KIAA1217: variants seen among roughly 807,000 people sequenced by gnomAD.
KIAA1217 encodes sickle tail protein homolog.
A neutral mutation model predicts 163.9 loss-of-function variants in KIAA1217; 88 were observed. That is an observed-to-expected ratio of 0.54 (90% CI 0.45 to 0.64). The LOEUF is 0.64. KIAA1217 is among the 30% of genes least tolerant of loss of function. The pLI, the probability that KIAA1217 is intolerant of heterozygous loss-of-function variation, is 0.00. For synonymous variants in KIAA1217, 903 were observed against 923.1 expected, an observed-to-expected ratio of 0.98 and a Z score of 0.39; for missense variants, 2,372 against 2,475.0, an observed-to-expected ratio of 0.96 and a Z score of 0.88.
chr10:24,338,871 C>G (rs1023599797), intron 2 of KIAA1217, among the ~76,000 whole-genome samples: 1 of 151,996 alleles, frequency 6.6e-6, no homozygotes, highest in African/African-American at 2.4e-5. Flanking sequence ...TTGAAACTAT[C>G]TTATAGAAGG....
chr10:23,815,041 C>T (rs1164635084), intron 1 of KIAA1217, among the ~76,000 whole-genome samples: 7 of 152,150 alleles, frequency 4.6e-5, no homozygotes, highest in Admixed American at 4.6e-4. Flanking sequence ...TTCTCTCTAA[C>T]TACATCTTTC....
At chr10:24,224,293 C>T (rs1323697781) in intron 2 of KIAA1217, among the ~76,000 whole-genome samples, 1 of 152,068 alleles carries the variant, frequency 6.6e-6, no homozygotes, top group East Asian at 1.9e-4. Flanking sequence ...TCACAATATG[C>T]TAATTCTATG....
chr10:24,321,106 G>A (rs1437751685), intron 2 of KIAA1217, among the ~76,000 whole-genome samples: 1 of 151,842 alleles, frequency 6.6e-6, no homozygotes, highest in South Asian at 2.1e-4. Context: ...AAAACAGTGG[G>A]GCGGTTCCTC....
At chr10:24,544,617 A>C (rs1216384418) in intron 19 of KIAA1217, 136 bp downstream of exon 19, 3 of 1,029,234 alleles carry the variant, frequency 2.9e-6, no homozygotes, top group Non-Finnish European at 4.1e-6. Flanking sequence ...TTCGCCATGA[A>C]ACCCTTCTTT....
chr10:24,226,408 C>T (rs1267383733), intron 2 of KIAA1217, among the ~76,000 whole-genome samples: 5 of 151,808 alleles, frequency 3.3e-5, no homozygotes, highest in Admixed American at 6.6e-5. Flanking sequence ...GGGCAGATCA[C>T]GAGGTCAGGA....
intron 1 of KIAA1217, among the ~76,000 whole-genome samples, chr10:23,933,998 G>A (rs950518063): frequency 6.6e-6 from 1 of 152,134 alleles, no homozygotes; most frequent in Non-Finnish European, 1.5e-5. Flanking sequence ...CAAGGATCTA[G>A]AACCGGAAAT....
chr10:24,096,041 A>G (rs745550124), intron 2 of KIAA1217, among the ~76,000 whole-genome samples: 18 of 152,178 alleles, frequency 1.2e-4, no homozygotes, highest in South Asian at 6.2e-4. Flanking sequence ...CCAGGAATTC[A>G]AGCCTGCAGT....
intron 9 of KIAA1217, among the ~76,000 whole-genome samples, chr10:24,510,499 G>C (rs910460142): frequency 6.6e-6 from 1 of 152,128 alleles, no homozygotes; most frequent in Non-Finnish European, 1.5e-5. Flanking sequence ...ATCATATGAG[G>C]AGTTTTAGAA....
In KIAA1217 at chr10:24,520,222, T is replaced by A. The variant is rs1402955832; in HGVS notation, c.2277T>A (p.Arg759=). The change falls in exon 11 of 21, where the codon CGT becomes CGA. Residue 759 remains arginine, a synonymous_variant. Coordinates refer to ENST00000376454, the MANE Select transcript of KIAA1217 (RefSeq NM_019590.5). ...KDVEDGAFLL[R]QVGEAVATLK... is the part of the protein sequence containing the mutation. ...TGGAAGACGGGGCTTTCCTCCTGCG[T>A]CAAGTGGGAGAGGCTGTAGCTACCC... 2 of 1,614,064 alleles carry A rather than the reference T, an allele frequency of 1.2e-6. No homozygotes were observed. Among genetic ancestry groups the A allele is most frequent in the Non-Finnish European group, 8.5e-7 (1 of 1,179,986 alleles).
At chr10:24,162,522 G>A (rs1589730148) in intron 2 of KIAA1217, among the ~76,000 whole-genome samples, 2 of 152,352 alleles carry the variant, frequency 1.3e-5, no homozygotes, top group East Asian at 3.9e-4. Flanking sequence ...TGTGCAAGGA[G>A]TGAGAAGGTA....
intron 6 of KIAA1217, among the ~76,000 whole-genome samples, chr10:24,483,871 C>T (rs1006842391): frequency 6.6e-6 from 1 of 152,096 alleles, no homozygotes; most frequent in Admixed American, 6.5e-5. Flanking sequence ...AGGGTGTAGG[C>T]TTGCCCTGGG....
intron 2 of KIAA1217, among the ~76,000 whole-genome samples, chr10:24,230,266 T>A (rs1392575735): frequency 6.6e-6 from 1 of 152,114 alleles, no homozygotes; most frequent in Non-Finnish European, 1.5e-5. Context: ...AGATTTCAAT[T>A]TTTTTGGGGG....
chr10:24,435,113 A>G (rs2059920452), intron 4 of KIAA1217, among the ~76,000 whole-genome samples: 1 of 152,222 alleles, frequency 6.6e-6, no homozygotes, highest in Non-Finnish European at 1.5e-5. Context: ...TGTATCTACC[A>G]ATGATCACAA....
intron 9 of KIAA1217, among the ~76,000 whole-genome samples, chr10:24,507,985 A>C (rs2068587784): frequency 6.6e-6 from 1 of 152,198 alleles, no homozygotes; most frequent in Non-Finnish European, 1.5e-5. Flanking sequence ...AAGGAAGAAA[A>C]GTCTTTCAGA....
At chr10:23,996,398 G>A (rs1373092092) in intron 1 of KIAA1217, among the ~76,000 whole-genome samples, 1 of 152,124 alleles carries the variant, frequency 6.6e-6, no homozygotes, top group Non-Finnish European at 1.5e-5. Context: ...ATGTGGAAAG[G>A]GGAGCACTGG....
At chr10:23,913,415 C>CA (rs57060774) in intron 1 of KIAA1217, among the ~76,000 whole-genome samples, 2,945 of 146,594 alleles carry the variant, frequency 0.02, 82 homozygotes, top group African/African-American at 0.065. Flanking sequence ...TTTTCTGTTC[C>CA]AAAAAAAAAA....
At chr10:24,432,537 C>T (rs2059685192) in intron 3 of KIAA1217, among the ~76,000 whole-genome samples, 1 of 152,002 alleles carries the variant, frequency 6.6e-6, no homozygotes, top group South Asian at 2.1e-4. Context: ...CTCACTGCAG[C>T]CTGCAACTCT....
At chr10:23,754,647 T>C (rs1261741406) in intron 1 of KIAA1217, among the ~76,000 whole-genome samples, 2 of 152,230 alleles carry the variant, frequency 1.3e-5, no homozygotes, top group African/African-American at 4.8e-5. Flanking sequence ...TTATCTTTAA[T>C]GTCCTGCATC....
At chr10:24,331,655 G>A (rs978319906) in intron 2 of KIAA1217, among the ~76,000 whole-genome samples, 1 of 152,144 alleles carries the variant, frequency 6.6e-6, no homozygotes, top group Non-Finnish European at 1.5e-5. Context: ...GGAGGAGAAA[G>A]GACAAACAGC....
Sources: allele counts gnomAD v4.1 joint callset (sites outside exome capture counted in the v4.1 genomes callset), GRCh38; gene constraint gnomAD v4.1.1; transcripts MANE v1.5; gene names NCBI Gene and HGNC (gene_info 2026-07-23, HGNC 2026-07-21).